Variants in TANC2 observed in about 807,000 individuals in gnomAD.
TANC2 encodes tetratricopeptide repeat, ankyrin repeat and coiled-coil containing 2, also known as protein TANC2.
In TANC2, 26 loss-of-function variants were observed where a neutral mutation model predicts 210.5. The observed-to-expected ratio is 0.12, with a 90% CI of 0.09 to 0.17. The LOEUF (loss-of-function observed/expected upper bound fraction) is 0.17. Among genes scored for constraint, TANC2 ranks in the 10% least tolerant of loss-of-function variants. TANC2 has a pLI of 1.00. For synonymous variants in TANC2, 931 were observed against 967.1 expected, an observed-to-expected ratio of 0.96 and a Z score of 0.69; for missense variants, 2,129 against 2,608.9, an observed-to-expected ratio of 0.82 and a Z score of 4.01.
intron 8 of TANC2, among the ~76,000 whole-genome samples, chr17:63,249,851 C>T (rs1359321672): frequency 6.6e-6 from 1 of 152,124 alleles, no homozygotes; most frequent in Non-Finnish European, 1.5e-5. Flanking sequence ...GCTAGAGTGA[C>T]AATTTTACTA....
chr17:63,239,148 TAAAA>T (rs200046501), intron 8 of TANC2, among the ~76,000 whole-genome samples: 3 of 124,556 alleles, frequency 2.4e-5, no homozygotes, highest in Non-Finnish European at 3.5e-5. Context: ...ACCTTGTCTC[TAAAA>T]AAAAAAAAAA....
chr17:63,041,755 G>A (rs1422633962), intron 2 of TANC2, among the ~76,000 whole-genome samples: 1 of 152,142 alleles, frequency 6.6e-6, no homozygotes, highest in Non-Finnish European at 1.5e-5. Context: ...GAACACTTAT[G>A]AAATATGAAT....
chr17:63,412,777 G>T lies in TANC2; in HGVS notation c.3928+68G>T. ...TGGTCAGCTTTGCCTTCTCCTCTTT[G>T]GTTTAGCCTGCATGAGTTCCCTACA... On this transcript the variant is annotated intron_variant, in intron 24 of 27. Coordinates refer to ENST00000689528, the Ensembl canonical transcript of TANC2. This position sits in a 1 kb window ranked among gnomAD's most constrained non-coding sequence, Gnocchi z 4.2. The T allele has an allele frequency of 6.6e-7, 1 of 1,520,064 alleles. No individual in the cohort carries two copies. The highest frequency in any genetic ancestry group is 8.8e-7 in the Non-Finnish European group (1 of 1,140,514). The allele number at this position is 1,520,064 out of a possible 1,614,324, so 94.2% of individuals were successfully genotyped here.
intron 7 of TANC2, among the ~76,000 whole-genome samples, chr17:63,224,887 G>C (rs2042289780): frequency 6.6e-6 from 1 of 152,142 alleles, no homozygotes; most frequent in Admixed American, 6.5e-5. Context: ...GGAAGTTCTA[G>C]CTGATCATCT....
chr17:63,416,179 T>G (rs1219177709), intron 26 of TANC2, among the ~76,000 whole-genome samples: 1 of 152,172 alleles, frequency 6.6e-6, no homozygotes, highest in African/African-American at 2.4e-5. Context: ...GCTATGTCCC[T>G]TCTTGTCCTA....
chr17:63,238,651 T>A (rs2042688086), intron 8 of TANC2, among the ~76,000 whole-genome samples: 1 of 152,134 alleles, frequency 6.6e-6, no homozygotes, highest in African/African-American at 2.4e-5. Flanking sequence ...ACTAGCAAAC[T>A]CGGTTAAAAA....
chr17:63,058,548 GT>G (rs1227063310), intron 2 of TANC2, among the ~76,000 whole-genome samples: 3 of 152,170 alleles, frequency 2.0e-5, no homozygotes, highest in Non-Finnish European at 2.9e-5. Flanking sequence ...GGTTTTTATA[GT>G]TGCGGGTTTT....
chr17:63,301,107 C>G (rs1190175848), intron 9 of TANC2, among the ~76,000 whole-genome samples: 1 of 152,208 alleles, frequency 6.6e-6, no homozygotes, highest in Non-Finnish European at 1.5e-5. Context: ...CTGAACCAGC[C>G]TTGCATCCCA....
intron 4 of TANC2, among the ~76,000 whole-genome samples, chr17:63,100,478 A>G (rs1367688347): frequency 6.6e-6 from 1 of 152,294 alleles, no homozygotes; most frequent in Admixed American, 6.5e-5. Flanking sequence ...GCCTAAAAAC[A>G]TAATATCCTG....
intron 9 of TANC2, among the ~76,000 whole-genome samples, chr17:63,296,929 C>T (rs762207504): frequency 5.3e-5 from 8 of 151,896 alleles, no homozygotes; most frequent in Non-Finnish European, 1.0e-4. Context: ...ATCTGTGGAA[C>T]ATCATCAAGT....
At chr17:63,039,371 G>A (rs1244145029) in intron 2 of TANC2, among the ~76,000 whole-genome samples, 1 of 152,116 alleles carries the variant, frequency 6.6e-6, no homozygotes, top group Non-Finnish European at 1.5e-5. Flanking sequence ...GCATACTCTT[G>A]TGCATTCTGT....
intron 12 of TANC2, among the ~76,000 whole-genome samples, chr17:63,345,157 C>T (rs532524604): frequency 1.7e-4 from 26 of 151,860 alleles, no homozygotes; most frequent in Middle Eastern, 6.9e-3. Context: ...TTCAGTGGCA[C>T]CAAAAAATAT....
intron 3 of TANC2, among the ~76,000 whole-genome samples, chr17:63,081,546 A>G (rs2036770029): frequency 6.6e-6 from 1 of 152,146 alleles, no homozygotes; most frequent in South Asian, 2.1e-4. Flanking sequence ...CTCTCAATTA[A>G]CAGTATAGCA....
At chr17:63,252,815 G>T (rs1428243612) in intron 8 of TANC2, among the ~76,000 whole-genome samples, 5 of 151,736 alleles carry the variant, frequency 3.3e-5, no homozygotes, top group African/African-American at 4.8e-5. Context: ...TTGTGTTTTG[G>T]TTTTTTTGGA....
At chr17:63,225,606 T>G (rs2042307177) in intron 7 of TANC2, among the ~76,000 whole-genome samples, 1 of 152,226 alleles carries the variant, frequency 6.6e-6, no homozygotes, top group Non-Finnish European at 1.5e-5. Flanking sequence ...CTGTATTCCC[T>G]AAGTAGATGG....
intron 3 of TANC2, among the ~76,000 whole-genome samples, chr17:63,077,492 T>C (rs1431101444): frequency 6.6e-6 from 1 of 152,122 alleles, no homozygotes; most frequent in Non-Finnish European, 1.5e-5. Flanking sequence ...GCAGTTCAGA[T>C]TGGAGTGGGT....
In TANC2 at chr17:63,412,782, A is replaced by G. The variant is rs2048744472; in HGVS notation, c.3928+73A>G. 6.6e-7 allele frequency: 1 copy of G among 1,504,266 alleles called. No individual in the cohort carries two copies. Among genetic ancestry groups the G allele is most frequent in the African/African-American group, 1.4e-5 (1 of 71,104 alleles). The allele number at this position is 1,504,266 out of a possible 1,614,324, so 93.2% of individuals were successfully genotyped here. A position where few individuals can be genotyped will look rare whatever the true frequency, so the allele number is the denominator to read the frequency against. On this transcript the variant is annotated intron_variant, in intron 24 of 27. Transcript: ENST00000689528. The surrounding 1 kb of genome is among the most constrained non-coding windows in gnomAD (Gnocchi z 4.2). ...AGCTTTGCCTTCTCCTCTTTGGTTT[A>G]GCCTGCATGAGTTCCCTACACCTCT...
At chr17:63,210,140 T>G (rs2041839975) in intron 7 of TANC2, among the ~76,000 whole-genome samples, 1 of 152,222 alleles carries the variant, frequency 6.6e-6, no homozygotes, top group South Asian at 2.1e-4. Flanking sequence ...ATGTTAGCCT[T>G]ATAAAATAGG....
At chr17:63,314,744 A>G (rs1206494950) in intron 10 of TANC2, 75 bp downstream of exon 10, 16 of 1,524,766 alleles carry the variant, frequency 1.0e-5, no homozygotes, top group Admixed American at 2.0e-5. Context: ...ATTAGGTCGT[A>G]TATCCTTTTA....
Sources: gnomAD v4.1 joint callset for allele counts (sites outside exome capture counted in the v4.1 genomes callset) on GRCh38, gnomAD v4.1.1 for gene constraint, Gnocchi (gnomAD v3.1) non-coding constraint, MANE v1.5 for transcripts, NCBI Gene and HGNC (gene_info 2026-07-23, HGNC 2026-07-21) for gene names.